The following FAM135B variants were observed in gnomAD, a reference collection of about 807,000 sequenced individuals.
FAM135B encodes the protein protein FAM135B.
Under a neutral mutation model 127.7 loss-of-function variants are expected in FAM135B, and 43 were observed. The ratio of observed to expected loss-of-function variants is 0.34; its 90% confidence interval spans 0.26 to 0.43. The LOEUF (loss-of-function observed/expected upper bound fraction) is 0.43. Among genes scored for constraint, FAM135B ranks in the 20% least tolerant of loss-of-function variants. The pLI is 1.00. For synonymous variants in FAM135B, 670 were observed against 665.1 expected (o/e 1.01, Z -0.11); for missense variants, 1,558 against 1,725.6 (o/e 0.90, Z 1.72).
chr8:138,286,010 A>G (rs933644464), intron 3 of FAM135B, among the ~76,000 whole-genome samples: 6 of 152,226 alleles, frequency 3.9e-5, no homozygotes, highest in East Asian at 1.9e-4. Flanking sequence ...TCCTGTCTTC[A>G]TAGAACTTAC....
intron 7 of FAM135B, among the ~76,000 whole-genome samples, chr8:138,236,401 C>T (rs1446425406): frequency 2.3e-5 from 2 of 88,180 alleles, no homozygotes; most frequent in East Asian, 4.1e-4. Context: ...CACACACATA[C>T]ACACACACAC....
At chr8:138,380,804 A>C (rs1243847610) in intron 1 of FAM135B, among the ~76,000 whole-genome samples, 2 of 142,714 alleles carry the variant, frequency 1.4e-5, no homozygotes, top group Admixed American at 7.3e-5. Flanking sequence ...ATAAGATCTA[A>C]AGTTCTGAGA....
chr8:138,139,154 G>C (rs1178643943), intron 17 of FAM135B, 58 bp from the exon 18 acceptor site: 1 of 1,123,944 alleles, frequency 8.9e-7, no homozygotes, highest in Non-Finnish European at 1.3e-6. Context: ...AAAACTAACT[G>C]GGATGGAATT....
At chr8:138,222,231 C>T (rs1819075306) in intron 7 of FAM135B, among the ~76,000 whole-genome samples, 1 of 152,086 alleles carries the variant, frequency 6.6e-6, no homozygotes, top group Non-Finnish European at 1.5e-5. Flanking sequence ...AAGGCAGATA[C>T]AGGAGGAGGA....
intron 2 of FAM135B, among the ~76,000 whole-genome samples, chr8:138,323,702 G>A (rs920637345): frequency 6.6e-6 from 1 of 152,178 alleles, no homozygotes; most frequent in Non-Finnish European, 1.5e-5. Context: ...TTCTTACTGT[G>A]GGATCTGATT....
intron 7 of FAM135B, among the ~76,000 whole-genome samples, chr8:138,212,134 C>A (rs1442955171): frequency 6.6e-6 from 1 of 152,106 alleles, no homozygotes; most frequent in African/African-American, 2.4e-5. Flanking sequence ...TGAGGAGCAA[C>A]TAGGGCAGAT....
At chr8:138,327,747 T>C (rs1341636601) in intron 2 of FAM135B, among the ~76,000 whole-genome samples, 1 of 152,092 alleles carries the variant, frequency 6.6e-6, no homozygotes, top group Admixed American at 6.6e-5. Context: ...AAAACCAATT[T>C]CACAAATTAT....
chr8:138,442,976 G>C (rs1182329160), intron 1 of FAM135B, among the ~76,000 whole-genome samples: 1 of 152,176 alleles, frequency 6.6e-6, no homozygotes, highest in African/African-American at 2.4e-5. Flanking sequence ...AGGATGGCTT[G>C]TCTTTAATAA....
At chr8:138,148,495 G>A (rs2130686807) in intron 14 of FAM135B, 25 bp downstream of exon 14, 3 of 1,600,464 alleles carry the variant, frequency 1.9e-6, no homozygotes, top group South Asian at 1.1e-5. Context: ...CAGAATTTGG[G>A]AAGAAAACTT....
At chr8:138,276,843 G>A (rs1343976351) in intron 3 of FAM135B, among the ~76,000 whole-genome samples, 2 of 152,204 alleles carry the variant, frequency 1.3e-5, no homozygotes, top group Non-Finnish European at 2.9e-5. Flanking sequence ...CGGTGAGCAG[G>A]GCCTGCAGGT....
intron 2 of FAM135B, among the ~76,000 whole-genome samples, chr8:138,337,128 A>G (rs1828659613): frequency 6.6e-6 from 1 of 152,194 alleles, no homozygotes; most frequent in African/African-American, 2.4e-5. Context: ...AGAGCTATCT[A>G]TGACAAACCC....
chr8:138,427,667 T>C (rs1444871299), intron 1 of FAM135B, among the ~76,000 whole-genome samples: 1 of 152,132 alleles, frequency 6.6e-6, no homozygotes, highest in Non-Finnish European at 1.5e-5. Flanking sequence ...TAGAAAACCA[T>C]GTAGCAGCAC....
intron 1 of FAM135B, among the ~76,000 whole-genome samples, chr8:138,445,136 G>A (rs1836048735): frequency 6.6e-6 from 1 of 152,102 alleles, no homozygotes; most frequent in Admixed American, 6.5e-5. Context: ...ATCAATAACA[G>A]GCTCTGAAAT....
intron 1 of FAM135B, among the ~76,000 whole-genome samples, chr8:138,402,518 A>G (rs1285279034): frequency 6.6e-6 from 1 of 152,094 alleles, no homozygotes; most frequent in African/African-American, 2.4e-5. Context: ...ATAGCCAGAG[A>G]CTCTGGGACC....
chr8:138,485,646 C>A lies in FAM135B; in HGVS notation c.-20+11025G>T, dbSNP rs1814955258. ...AACACGATTGAAGTCTTTCAATCTC[C>A]TAGGGAGAAACTGAGGTTACAATCA... On this transcript the variant is annotated intron_variant, in intron 1 of 19. Transcript: ENST00000395297. Among the ~76,000 whole-genome samples the A allele has an allele frequency of 3.3e-5, 5 of 152,044 alleles. No individual in the cohort carries two copies. In the South Asian group the frequency reaches 1.0e-3, roughly 32 times the overall value.
At position 138,322,156 on chromosome 8, in the gene FAM135B, T is replaced by C. The variant is rs73716800; in HGVS notation, c.78-11236A>G. On this transcript the variant is annotated intron_variant, in intron 2 of 19. Transcript: ENST00000395297. ...GCAGGGGAACTTTATTTTTAAATGA[T>C]AGTGAAAACATTGCATATGGCAGGG... is the stretch of plus-strand genomic sequence containing the variant. Among the ~76,000 whole-genome samples, 550 of 152,330 alleles carry C rather than the reference T, an allele frequency of 3.6e-3. 1 individual carries two copies. The highest frequency in any genetic ancestry group is 0.013 in the African/African-American group (528 of 41,580).
intron 3 of FAM135B, among the ~76,000 whole-genome samples, chr8:138,299,996 C>T (rs1825764887): frequency 6.6e-6 from 1 of 151,990 alleles, no homozygotes; most frequent in Admixed American, 6.6e-5. Context: ...GAGACGGAAT[C>T]TCGCTCTATC....
chr8:138,148,413 G>A, intron 14 of FAM135B, 107 bp downstream of exon 14: 1 of 885,498 alleles, frequency 1.1e-6, no homozygotes, highest in Non-Finnish European at 1.7e-6. Flanking sequence ...TTCCACAGTT[G>A]CTAATTGAAC....
At chr8:138,297,596 G>GT (rs373863938) in intron 3 of FAM135B, among the ~76,000 whole-genome samples, 10 of 152,336 alleles carry the variant, frequency 6.6e-5, no homozygotes, top group African/African-American at 2.4e-4. Context: ...GTGGAACACT[G>GT]TCTGAAAGAC....
Sources: allele counts gnomAD v4.1 joint callset (sites outside exome capture counted in the v4.1 genomes callset), GRCh38; gene constraint gnomAD v4.1.1; transcripts MANE v1.5; gene names NCBI Gene and HGNC (gene_info 2026-07-23, HGNC 2026-07-21).